Variants in WDPCP observed in about 807,000 individuals in gnomAD.
WDPCP encodes WD repeat-containing and planar cell polarity effector protein fritz homolog.
WDPCP carries 71 observed loss-of-function variants against 93.1 expected under a neutral mutation model. The ratio of observed to expected loss-of-function variants is 0.76; its 90% CI spans 0.63 to 0.93. WDPCP has a LOEUF of 0.93. Among genes scored for constraint, WDPCP ranks in the 40% least tolerant of loss-of-function variants. The probability of loss-of-function intolerance (pLI) is 0.00; values close to 1 mark genes in which losing one functional copy is unlikely to be tolerated. For synonymous variants in WDPCP, 315 were observed against 315.0 expected, an observed-to-expected ratio of 1.00 and a Z score of 0.00; for missense variants, 844 against 887.4, an observed-to-expected ratio of 0.95 and a Z score of 0.62.
chr2:63,452,070 T>C (rs981771828), intron 6 of WDPCP, among the ~76,000 whole-genome samples: 2 of 152,216 alleles, frequency 1.3e-5, no homozygotes, highest in African/African-American at 2.4e-5. Context: ...CTATTCAACA[T>C]AGTGTTGGAA....
chr2:63,338,565 A>T (rs1257449210), intron 12 of WDPCP, among the ~76,000 whole-genome samples: 9 of 40,426 alleles, frequency 2.2e-4, no homozygotes, highest in African/African-American at 6.0e-4. Context: ...AAAAAAAAAA[A>T]AAAAATATAT....
intron 1 of WDPCP, among the ~76,000 whole-genome samples, chr2:63,534,722 C>G (rs1704135648): frequency 1.3e-5 from 2 of 151,970 alleles, no homozygotes; most frequent in Admixed American, 1.3e-4. Context: ...AAAATAATAA[C>G]AGCTATTTAT....
intron 14 of WDPCP, among the ~76,000 whole-genome samples, chr2:63,223,725 CG>C (rs1324379075): frequency 2.0e-5 from 3 of 152,052 alleles, no homozygotes; most frequent in African/African-American, 7.2e-5. Flanking sequence ...TGCTATTAGG[CG>C]GGGGTTTAAA....
chr2:63,621,396 G>A (rs558931574), intron 3 of WDPCP, among the ~76,000 whole-genome samples: 5 of 151,894 alleles, frequency 3.3e-5, no homozygotes, highest in South Asian at 2.1e-4. Flanking sequence ...ATCAATAGCC[G>A]AATTGATCAA....
intron 13 of WDPCP, among the ~76,000 whole-genome samples, chr2:63,308,700 A>G (rs1685942625): frequency 6.6e-6 from 1 of 152,176 alleles, no homozygotes; most frequent in Non-Finnish European, 1.5e-5. Flanking sequence ...GAGTGAGAAC[A>G]CATGGACACA....
At chr2:63,297,576 C>CA (rs1444512298) in intron 13 of WDPCP, among the ~76,000 whole-genome samples, 1 of 151,996 alleles carries the variant, frequency 6.6e-6, no homozygotes, top group Non-Finnish European at 1.5e-5. Flanking sequence ...ACTACAACAA[C>CA]AAAAAAGAAT....
chr2:63,826,607 T>C (rs547675375), intron 1 of WDPCP, among the ~76,000 whole-genome samples: 1 of 152,160 alleles, frequency 6.6e-6, no homozygotes, highest in Non-Finnish European at 1.5e-5. Flanking sequence ...TTGAGAAGTA[T>C]CCTGAAGTTA....
At chr2:63,412,781 C>CA (rs141811253) in intron 9 of WDPCP, among the ~76,000 whole-genome samples, 58,813 of 146,804 alleles carry the variant, frequency 0.4, 11,680 homozygotes, top group Non-Finnish European at 0.43. Flanking sequence ...ATAATAGCTG[C>CA]AAAAAAAAAA....
At chr2:63,763,785 G>C (rs1254164787) in intron 2 of WDPCP, among the ~76,000 whole-genome samples, 1 of 152,028 alleles carries the variant, frequency 6.6e-6, no homozygotes, top group Admixed American at 6.6e-5. Context: ...CCAAAAAATT[G>C]CTGTTAGAAG....
chr2:63,218,407 G>C (rs1433893590), intron 14 of WDPCP, among the ~76,000 whole-genome samples: 1 of 152,132 alleles, frequency 6.6e-6, no homozygotes, highest in Middle Eastern at 3.2e-3. Flanking sequence ...GAACTGTACA[G>C]TTGTAAGAAA....
At chr2:63,639,505 C>T (rs998228835) in intron 3 of WDPCP, among the ~76,000 whole-genome samples, 3 of 152,098 alleles carry the variant, frequency 2.0e-5, no homozygotes, top group Non-Finnish European at 2.9e-5. Context: ...GTGAGAGGGG[C>T]ACACTGAGAG....
chr2:63,253,350 T>A (rs978351410), intron 14 of WDPCP, among the ~76,000 whole-genome samples: 1 of 151,806 alleles, frequency 6.6e-6, no homozygotes, highest in African/African-American at 2.4e-5. Context: ...ATTAAGTAAG[T>A]CCTCAAAAAT....
chr2:63,183,799 G>C (rs1445212798), intron 14 of WDPCP, among the ~76,000 whole-genome samples: 1 of 152,078 alleles, frequency 6.6e-6, no homozygotes, highest in Non-Finnish European at 1.5e-5. Flanking sequence ...GACTCTGACT[G>C]CTCCAGTGTT....
intron 2 of WDPCP, among the ~76,000 whole-genome samples, chr2:63,727,040 T>G (rs1301828064): frequency 6.6e-6 from 1 of 152,232 alleles, no homozygotes; most frequent in Non-Finnish European, 1.5e-5. Context: ...GATTTCTTTC[T>G]CTTGCCTGAT....
chr2:63,739,696 A>T (rs942410222), intron 2 of WDPCP, among the ~76,000 whole-genome samples: 1 of 152,092 alleles, frequency 6.6e-6, no homozygotes, highest in Non-Finnish European at 1.5e-5. Flanking sequence ...CACTTCTACC[A>T]ACAGTGTATG....
At chr2:63,242,587 A>C (rs1409905575) in intron 14 of WDPCP, among the ~76,000 whole-genome samples, 1 of 152,172 alleles carries the variant, frequency 6.6e-6, no homozygotes, top group Non-Finnish European at 1.5e-5. Context: ...GCGCCACTGC[A>C]CTCTAGCCGT....
At chr2:63,218,181 ATTTTG>A (rs1445991897) in intron 14 of WDPCP, among the ~76,000 whole-genome samples, 1 of 152,142 alleles carries the variant, frequency 6.6e-6, no homozygotes, top group African/African-American at 2.4e-5. Context: ...CACAAAAATT[ATTTTG>A]TTTTAAGTAA....
At chr2:63,572,546 T>C (rs1707591671) in intron 1 of WDPCP, among the ~76,000 whole-genome samples, 2 of 150,690 alleles carry the variant, frequency 1.3e-5, no homozygotes, top group African/African-American at 4.9e-5. Flanking sequence ...CTACTAAAAA[T>C]ACAAAAATTA....
Position 63,199,620 on chromosome 2 carries a change from C to T in WDPCP, c.1916-24788G>A, listed in dbSNP as rs1481885717. On this transcript the variant is annotated intron_variant, in intron 14 of 17. Coordinates refer to ENST00000272321, the MANE Select transcript of WDPCP (RefSeq NM_015910.7). ...AAGAGTTGAGGCTTGGGAACGTCAG[C>T]CTACATTTCAGAGGATGTATGGAAA... Among the ~76,000 whole-genome samples, 3 of 152,356 alleles carry T rather than the reference C, an allele frequency of 2.0e-5. No homozygotes were observed. The East Asian group carries it at 5.8e-4, about 29-fold the overall frequency.
Sources: allele counts gnomAD v4.1 joint callset (sites outside exome capture counted in the v4.1 genomes callset), GRCh38; gene constraint gnomAD v4.1.1; transcripts MANE v1.5; gene names NCBI Gene and HGNC (gene_info 2026-07-23, HGNC 2026-07-21).